The following CENPP variants were observed in gnomAD, a reference collection of about 807,000 sequenced individuals.
CENPP encodes the protein centromere protein P.
CENPP carries 24 observed loss-of-function variants against 35.6 expected under a neutral mutation model. That is an observed-to-expected ratio of 0.67 (90% confidence interval 0.49 to 0.95). The LOEUF (loss-of-function observed/expected upper bound fraction) is 0.95, where lower values mean the gene tolerates loss of function less well. CENPP is among the 40% of genes least tolerant of loss of function. CENPP has a pLI of 0.00. For synonymous variants in CENPP, 120 were observed against 125.5 expected, an observed-to-expected ratio of 0.96 and a Z score of 0.29; for missense variants, 332 against 345.3, an observed-to-expected ratio of 0.96 and a Z score of 0.31.
chr9:92,365,962 C>T (rs1335338890), intron 4 of CENPP, among the ~76,000 whole-genome samples: 1 of 151,298 alleles, frequency 6.6e-6, no homozygotes. Context: ...GGGCGGATCA[C>T]GAGGTCAGGA....
At chr9:92,591,736 G>A (rs1850668320) in intron 5 of CENPP, among the ~76,000 whole-genome samples, 1 of 152,062 alleles carries the variant, frequency 6.6e-6, no homozygotes, top group Admixed American at 6.5e-5. Context: ...AAGAGAGGAA[G>A]TAAAGTCACC....
At chr9:92,572,722 A>G (rs1850175337) in intron 5 of CENPP, among the ~76,000 whole-genome samples, 1 of 152,228 alleles carries the variant, frequency 6.6e-6, no homozygotes, top group African/African-American at 2.4e-5. Context: ...ACTTTCAGGT[A>G]CACCAATCAG....
chr9:92,387,661 C>T (rs560689346), intron 5 of CENPP, among the ~76,000 whole-genome samples: 2 of 152,276 alleles, frequency 1.3e-5, no homozygotes, highest in East Asian at 3.9e-4. Flanking sequence ...CTCTTGTCTT[C>T]CCAGTGAGTC....
At chr9:92,567,373 G>GATATATAGATATATAGATATAT (rs1554688236) in intron 5 of CENPP, among the ~76,000 whole-genome samples, 1 of 129,088 alleles carries the variant, frequency 7.7e-6, no homozygotes, top group East Asian at 2.5e-4. Flanking sequence ...ACATAAGATA[G>GATATATAGATATATAGATATAT]ATATATATAT....
intron 5 of CENPP, among the ~76,000 whole-genome samples, chr9:92,486,147 T>C (rs1007304216): frequency 6.6e-6 from 1 of 152,150 alleles, no homozygotes; most frequent in Non-Finnish European, 1.5e-5. Context: ...TCACAAGACC[T>C]GAGGGCTGTG....
At chr9:92,472,538 A>C (rs543854910) in intron 5 of CENPP, among the ~76,000 whole-genome samples, 1 of 144,970 alleles carries the variant, frequency 6.9e-6, no homozygotes, top group East Asian at 2.1e-4. Context: ...TGCGCCTTTA[A>C]TCCCAGCTAC....
chr9:92,337,808 G>A (rs970760682), intron 3 of CENPP, among the ~76,000 whole-genome samples, 179 bp downstream of exon 3: 1 of 152,178 alleles, frequency 6.6e-6, no homozygotes, highest in East Asian at 1.9e-4. Context: ...TAATAGCCCA[G>A]CAACTGCATA....
At chr9:92,407,992 G>T (rs1327401984) in intron 5 of CENPP, among the ~76,000 whole-genome samples, 1 of 152,136 alleles carries the variant, frequency 6.6e-6, no homozygotes, top group African/African-American at 2.4e-5. Flanking sequence ...TGGAATTTTG[G>T]AAACAAGAGC....
At chr9:92,598,598 G>T (rs1850835862) in intron 5 of CENPP, among the ~76,000 whole-genome samples, 1 of 152,092 alleles carries the variant, frequency 6.6e-6, no homozygotes, top group Admixed American at 6.5e-5. Flanking sequence ...CAGGAGGCAG[G>T]GCATCTCACT....
At chr9:92,465,145 T>C in intron 5 of CENPP, 1 of 731,194 alleles carries the variant, frequency 1.4e-6, no homozygotes, top group Middle Eastern at 2.5e-4. Flanking sequence ...CTTCATCCTT[T>C]AGGCTCATTT....
intron 5 of CENPP, among the ~76,000 whole-genome samples, chr9:92,573,863 T>C (rs184574353): frequency 5.2e-4 from 79 of 152,316 alleles, no homozygotes; most frequent in Admixed American, 4.1e-3. Context: ...GTGCTAGCAG[T>C]GAGCGAGGCT....
chr9:92,484,757 G>A (rs1386360777), intron 5 of CENPP, among the ~76,000 whole-genome samples: 1 of 152,202 alleles, frequency 6.6e-6, no homozygotes, highest in East Asian at 1.9e-4. Context: ...GCACTCCTCA[G>A]TCGAGTTGCC....
intron 5 of CENPP, among the ~76,000 whole-genome samples, chr9:92,433,645 C>T (rs1248757001): frequency 5.3e-5 from 8 of 151,964 alleles, no homozygotes; most frequent in African/African-American, 1.7e-4. Flanking sequence ...AAAAATGTAC[C>T]CTAGGCTGGG....
intron 5 of CENPP, among the ~76,000 whole-genome samples, chr9:92,555,521 G>T (rs933808381): frequency 1.3e-5 from 2 of 151,946 alleles, no homozygotes; most frequent in African/African-American, 4.8e-5. Context: ...GAACCACTGC[G>T]CCTGGCCAGT....
At chr9:92,397,157 A>G (rs1189727133) in intron 5 of CENPP, among the ~76,000 whole-genome samples, 4 of 152,080 alleles carry the variant, frequency 2.6e-5, no homozygotes, top group Non-Finnish European at 5.9e-5. Context: ...AGCATGGGTA[A>G]TAGAGCGAGA....
chr9:92,406,183 GA>G (rs1465269867), intron 5 of CENPP, among the ~76,000 whole-genome samples: 1 of 152,218 alleles, frequency 6.6e-6, no homozygotes, highest in African/African-American at 2.4e-5. Flanking sequence ...TTAGGGAGGG[GA>G]TGGGGGTAGA....
chr9:92,391,151 C>T (rs1349552434), intron 5 of CENPP, among the ~76,000 whole-genome samples: 1 of 151,472 alleles, frequency 6.6e-6, no homozygotes, highest in Non-Finnish European at 1.5e-5. Flanking sequence ...AATCCCAGCA[C>T]TTTGGGAGGC....
chr9:92,562,940 A>G (rs559271282), intron 5 of CENPP, among the ~76,000 whole-genome samples: 9 of 152,230 alleles, frequency 5.9e-5, no homozygotes, highest in Non-Finnish European at 1.3e-4. Context: ...CCATTACTGG[A>G]AGATGATATC....
intron 5 of CENPP, among the ~76,000 whole-genome samples, chr9:92,605,169 A>G (rs933752927): frequency 2.6e-5 from 4 of 151,780 alleles, no homozygotes; most frequent in Non-Finnish European, 5.9e-5. Context: ...TTAGTAGAGA[A>G]GGGGTTACAC....
Sources: gnomAD v4.1 joint callset for allele counts (sites outside exome capture counted in the v4.1 genomes callset) on GRCh38, gnomAD v4.1.1 for gene constraint, MANE v1.5 for transcripts, NCBI Gene and HGNC (gene_info 2026-07-23, HGNC 2026-07-21) for gene names.